GRXCR1: variants seen among roughly 807,000 people sequenced by gnomAD.
The protein encoded by GRXCR1 is glutaredoxin and cysteine rich domain containing 1.
In GRXCR1, 27 loss-of-function variants were observed where a neutral mutation model predicts 27.3. The ratio of observed to expected loss-of-function variants is 0.99; its 90% CI spans 0.73 to 1.37. The LOEUF is 1.37. Among genes scored for constraint, GRXCR1 ranks in the 40% most tolerant of loss-of-function variants. The pLI, the probability that GRXCR1 is intolerant of heterozygous loss-of-function variation, is 0.00. For synonymous variants in GRXCR1, 122 were observed against 131.1 expected, an observed-to-expected ratio of 0.93 and a Z score of 0.47; for missense variants, 379 against 354.4, an observed-to-expected ratio of 1.07 and a Z score of -0.56.
rs189112704 is a variant in GRXCR1 at position 42,899,418 on chromosome 4, A to G, written c.384+5768A>G. Among the ~76,000 whole-genome samples, 1,069 of 152,174 alleles carry G rather than the reference A, an allele frequency of 7.0e-3. 14 individuals carry two copies. The highest frequency in any genetic ancestry group is 0.024 in the African/African-American group (1,011 of 41,558). On this transcript the variant is annotated intron_variant, in intron 1 of 3. Transcript: ENST00000399770. The stretch of plus-strand genomic sequence containing the variant: ...ATTGTGTAAAGCAATTCCTGGAGGA[A>G]CTCAGAAACAAAAGATTTTGTTTTC...
At chr4:43,027,772 G>T (rs779967367) in intron 3 of GRXCR1, among the ~76,000 whole-genome samples, 1 of 152,176 alleles carries the variant, frequency 6.6e-6, no homozygotes, top group South Asian at 2.1e-4. Context: ...TACAGCAGTT[G>T]TGGTTATTGA....
At chr4:42,928,785 T>A (rs1053464309) in intron 1 of GRXCR1, among the ~76,000 whole-genome samples, 1 of 151,830 alleles carries the variant, frequency 6.6e-6, no homozygotes, top group African/African-American at 2.4e-5. Flanking sequence ...GCTATAGGGG[T>A]GGTCCCTAGT....
intron 2 of GRXCR1, among the ~76,000 whole-genome samples, chr4:42,999,571 C>T (rs1345651874): frequency 6.6e-6 from 1 of 152,166 alleles, no homozygotes; most frequent in Non-Finnish European, 1.5e-5. Context: ...GGCCATTCTC[C>T]TTTGCTGTCT....
chr4:42,959,339 C>T (rs562018700), intron 1 of GRXCR1, among the ~76,000 whole-genome samples: 5 of 151,592 alleles, frequency 3.3e-5, no homozygotes, highest in Admixed American at 2.6e-4. Context: ...AAAAATACTG[C>T]GTGATCTCGT....
chr4:42,900,381 CTTAGAACATTGCA>C (rs1376995129), intron 1 of GRXCR1, among the ~76,000 whole-genome samples: 1 of 151,946 alleles, frequency 6.6e-6, no homozygotes, highest in Non-Finnish European at 1.5e-5. Flanking sequence ...TAAATTATGC[CTTAGAACATTGCA>C]TCAGGAGTGA....
chr4:42,942,861 T>C (rs1164115008), intron 1 of GRXCR1, among the ~76,000 whole-genome samples: 1 of 152,044 alleles, frequency 6.6e-6, no homozygotes, highest in East Asian at 1.9e-4. Context: ...TAATAATAAC[T>C]CAAAAGACCT....
At chr4:43,010,866 T>C (rs537170099) in intron 2 of GRXCR1, among the ~76,000 whole-genome samples, 1 of 152,354 alleles carries the variant, frequency 6.6e-6, no homozygotes, top group South Asian at 2.1e-4. Flanking sequence ...CCAGGCACTA[T>C]GCTAAATACT....
intron 2 of GRXCR1, among the ~76,000 whole-genome samples, chr4:43,013,705 A>C: frequency 6.6e-6 from 1 of 152,248 alleles, no homozygotes. Flanking sequence ...GGGGAAGCAG[A>C]CAACAATCTT....
intron 2 of GRXCR1, among the ~76,000 whole-genome samples, chr4:42,988,047 A>G (rs4861048): frequency 6.6e-5 from 10 of 152,102 alleles, no homozygotes; most frequent in African/African-American, 2.2e-4. Context: ...TGTGTGCTAG[A>G]GCTTAAAATA....
intron 1 of GRXCR1, among the ~76,000 whole-genome samples, chr4:42,944,445 C>G (rs949759374): frequency 1.3e-5 from 2 of 152,072 alleles, no homozygotes; most frequent in African/African-American, 4.8e-5. Context: ...ATCAGAGGTT[C>G]AGAGACCGTG....
At chr4:43,021,586 C>A (rs1456188002) in intron 3 of GRXCR1, among the ~76,000 whole-genome samples, 1 of 152,112 alleles carries the variant, frequency 6.6e-6, no homozygotes, top group African/African-American at 2.4e-5. Flanking sequence ...AGGGAGACAA[C>A]AATGTCCTCT....
intron 2 of GRXCR1, among the ~76,000 whole-genome samples, chr4:43,006,819 G>T (rs961131718): frequency 3.3e-5 from 5 of 152,236 alleles, no homozygotes; most frequent in Admixed American, 6.5e-5. Context: ...AAACTTGCTG[G>T]TTTTTGTGGC....
intron 2 of GRXCR1, among the ~76,000 whole-genome samples, chr4:43,014,063 A>AG (rs1712855326): frequency 1.3e-5 from 2 of 152,128 alleles, no homozygotes; most frequent in African/African-American, 4.8e-5. Context: ...GCAAAAAAAA[A>AG]AAAAAAAAGT....
At chr4:43,005,705 C>A (rs370541834) in intron 2 of GRXCR1, among the ~76,000 whole-genome samples, 10 of 152,246 alleles carry the variant, frequency 6.6e-5, no homozygotes, top group African/African-American at 2.4e-4. Context: ...AAGTGAGACT[C>A]CAGATGTGGG....
rs945420225 is a variant in GRXCR1, at chr4:42,912,086, T to C, written c.384+18436T>C. The stretch of plus-strand genomic sequence containing the variant: ...CTTGGTTTTCCCTGGATAATTGACA[T>C]TTAATGATTGTCAATTGTCCAGGTA... On this transcript the variant is annotated intron_variant, in intron 1 of 3. Coordinates refer to ENST00000399770, the MANE Select transcript of GRXCR1 (RefSeq NM_001080476.3). 1.2e-4 allele frequency among the ~76,000 whole-genome samples: 19 copies of C among 152,258 alleles called. No homozygotes were observed. In the East Asian group the frequency reaches 3.5e-3, roughly 28 times the overall value.
At chr4:43,010,680 A>T (rs945849918) in intron 2 of GRXCR1, among the ~76,000 whole-genome samples, 9 of 150,176 alleles carry the variant, frequency 6.0e-5, no homozygotes, top group African/African-American at 2.0e-4. Flanking sequence ...TCACTTATTT[A>T]AAAAAGTGAT....
intron 2 of GRXCR1, among the ~76,000 whole-genome samples, chr4:42,969,150 A>G (rs886344371): frequency 1.3e-5 from 2 of 152,144 alleles, no homozygotes; most frequent in African/African-American, 4.8e-5. Flanking sequence ...TAAAATAATA[A>G]CTAGTGTCAT....
chr4:42,942,989 A>G (rs1391957611), intron 1 of GRXCR1, among the ~76,000 whole-genome samples: 7 of 152,074 alleles, frequency 4.6e-5, no homozygotes, highest in African/African-American at 1.7e-4. Flanking sequence ...ACGATGTTTT[A>G]GAGCAGGAGG....
At chr4:43,021,180 C>T (rs971645948) in intron 3 of GRXCR1, among the ~76,000 whole-genome samples, 1 of 152,126 alleles carries the variant, frequency 6.6e-6, no homozygotes, top group Non-Finnish European at 1.5e-5. Flanking sequence ...ACCATTCCTT[C>T]CACTCTAGAT....
Sources: allele counts gnomAD v4.1 joint callset (sites outside exome capture counted in the v4.1 genomes callset), GRCh38; gene constraint gnomAD v4.1.1; transcripts MANE v1.5; gene names NCBI Gene and HGNC (gene_info 2026-07-23, HGNC 2026-07-21).